Variants in SPIN2A observed in about 807,000 individuals in gnomAD.
SPIN2A encodes the protein spindlin-2A.
A neutral mutation model predicts 9.2 loss-of-function variants in SPIN2A; 4 were observed. That is an observed-to-expected ratio of 0.44 (90% CI 0.21 to 1.00). The LOEUF is 1.00. Among genes scored for constraint, SPIN2A ranks in the 50% least tolerant of loss-of-function variants. SPIN2A has a pLI of 0.26. For missense variants in SPIN2A, 77 were observed against 172.8 expected, an observed-to-expected ratio of 0.45 and a Z score of 3.11; for synonymous variants, 25 against 61.2, an observed-to-expected ratio of 0.41 and a Z score of 2.76.
chrX:57,135,441 C>G (rs1182048215), downstream of SPIN2A: 1 of 195,801 alleles, frequency 5.1e-6, no homozygotes, highest in Admixed American at 7.2e-5. Context: ...TCACCTCCTC[C>G]TCTCTCCCCA....
At chrX:57,141,985 A>G (rs1459905345), upstream of SPIN2A, among the ~76,000 whole-genome samples, 2 of 108,918 alleles carry the variant, frequency 1.8e-5, no homozygotes, top group African/African-American at 3.3e-5. Flanking sequence ...TTCATCTGTC[A>G]TTTTATTTAT....
At chrX:57,136,870 C>A (rs967500191) in intron 1 of SPIN2A, 3 of 594,056 alleles carry the variant, frequency 5.1e-6, no homozygotes, top group Non-Finnish European at 7.6e-6. Context: ...AGCTCAGAGC[C>A]CACTGCCCTC....
intron 1 of SPIN2A, 47 bp downstream of exon 1, chrX:57,137,213 G>A (rs1927840840): frequency 3.9e-6 from 3 of 759,922 alleles, no homozygotes; most frequent in Non-Finnish European, 4.7e-6. Flanking sequence ...GCCCTGCCTG[G>A]CGTCCACCGC....
Position 57,135,998 on chromosome X carries a change from C to T in SPIN2A, c.600G>A (p.Arg200=). The T allele has an allele frequency of 8.3e-7, 1 of 1,208,255 alleles. No homozygotes were observed. Among genetic ancestry groups the T allele is most frequent in the Non-Finnish European group, 1.1e-6 (1 of 894,223 alleles). Residue 200 remains arginine, a synonymous_variant, in exon 2 of 2, where the codon AGG becomes AGA. Coordinates refer to ENST00000374906, the MANE Select transcript of SPIN2A (RefSeq NM_019003.5). ...PESSESPPTE[R]EPGGVVDGLI... ...GGCCATCTACAACTCCTCCTGGCTC[C>T]CTCTCTGTTGGAGGAGACTCACTGG...
upstream of SPIN2A, among the ~76,000 whole-genome samples, chrX:57,139,122 G>C (rs527834121): frequency 2.9e-4 from 32 of 112,116 alleles, 1 homozygote; most frequent in South Asian, 0.012. Flanking sequence ...TCAAGAAATC[G>C]TTGCTCAGAC....
upstream of SPIN2A, among the ~76,000 whole-genome samples, chrX:57,141,597 T>G (rs1928005070): frequency 9.0e-6 from 1 of 111,460 alleles, no homozygotes; most frequent in Non-Finnish European, 1.9e-5. Context: ...TTATTACCAT[T>G]GCTATCTCAT....
At chrX:57,145,127 C>T in the SPIN2A span, among the ~76,000 whole-genome samples, 1 of 111,685 alleles carries the variant, frequency 9.0e-6, no homozygotes, top group Non-Finnish European at 1.9e-5. Flanking sequence ...CCTAAGGAAT[C>T]TCCACACTGT....
upstream of SPIN2A, among the ~76,000 whole-genome samples, chrX:57,141,747 T>A (rs756425022): frequency 8.9e-6 from 1 of 111,804 alleles, no homozygotes; most frequent in South Asian, 3.7e-4. Flanking sequence ...ACAATTTTTT[T>A]ATTTTCTGTG....
chrX:57,138,434 A>G (rs1260960770), upstream of SPIN2A, among the ~76,000 whole-genome samples: 1 of 110,490 alleles, frequency 9.1e-6, no homozygotes, highest in Non-Finnish European at 1.9e-5. Context: ...ATATATATAT[A>G]TATCACATTT....
At position 57,137,308 on chromosome X, in the gene SPIN2A, C is replaced by G; in HGVS notation, c.-54G>C. 6.6e-6 allele frequency: 5 copies of G among 759,101 alleles called. No individual in the cohort carries two copies. Among genetic ancestry groups the G allele is most frequent in the East Asian group, 1.5e-4 (1 of 6,696 alleles). The allele number at this position is 759,101 out of a possible 1,213,427, so 62.6% of individuals were successfully genotyped here. A position where few individuals can be genotyped will look rare whatever the true frequency, so the allele number is the denominator to read the frequency against. On this transcript the variant is annotated 5_prime_UTR_variant, in exon 1 of 2. Transcript: ENST00000374906. ...CCTGTGGCGAAGGAGGGTCAACAGG[C>G]GACTCGCTGAGTGACTGCTTGCAAG...
At chrX:57,135,325 C>T (rs1927656272), downstream of SPIN2A, 1 of 139,201 alleles carries the variant, frequency 7.2e-6, no homozygotes, top group African/African-American at 3.2e-5. Flanking sequence ...ATCTCACTCT[C>T]CCTCTGTTAG....
upstream of SPIN2A, among the ~76,000 whole-genome samples, chrX:57,139,370 G>A (rs1380329276): frequency 2.7e-5 from 3 of 112,043 alleles, no homozygotes; most frequent in Non-Finnish European, 3.8e-5. Flanking sequence ...GACTATAAAT[G>A]CATAGATTTA....
upstream of SPIN2A, among the ~76,000 whole-genome samples, chrX:57,142,199 G>C (rs747013747): frequency 1.9e-4 from 21 of 111,669 alleles, no homozygotes; most frequent in African/African-American, 5.5e-4. Context: ...TTTTTAGGTT[G>C]TTTATTTGAA....
upstream of SPIN2A, among the ~76,000 whole-genome samples, chrX:57,140,870 A>T (rs1291939489): frequency 9.0e-6 from 1 of 111,597 alleles, no homozygotes; most frequent in Admixed American, 9.5e-5. Context: ...CTGCCTATCG[A>T]GTACTATGTT....
In SPIN2A at chrX:57,137,362, G is replaced by T; in HGVS notation, c.-108C>A. 4.0e-6 allele frequency: 3 copies of T among 757,108 alleles called. No homozygotes were observed. The highest frequency in any genetic ancestry group is 4.7e-6 in the Non-Finnish European group (3 of 640,815). The allele number at this position is 757,108 out of a possible 1,213,427, so 62.4% of individuals were successfully genotyped here. ...GGGGAGGGTAGGATCCATAGATGAG[G>T]AGCGTGTGTAGGAGCGCGGCGAGAC... On this transcript the variant is annotated 5_prime_UTR_variant, in exon 1 of 2. Transcript: ENST00000374906.
chrX:57,142,465 G>T (rs1407061499), upstream of SPIN2A, among the ~76,000 whole-genome samples: 1 of 112,178 alleles, frequency 8.9e-6, no homozygotes, highest in African/African-American at 3.2e-5. Context: ...AGTTAGAAAA[G>T]ATACTTGATA....
At chrX:57,144,882 CTA>C in the SPIN2A span, among the ~76,000 whole-genome samples, 46,068 of 103,287 alleles carry the variant, frequency 0.45, 10,965 homozygotes, top group African/African-American at 0.88. Context: ...TAGTATTCCA[CTA>C]TATATATATA....
chrX:57,144,844 C>G, the SPIN2A span, among the ~76,000 whole-genome samples: 3 of 109,543 alleles, frequency 2.7e-5, no homozygotes, highest in Non-Finnish European at 5.7e-5. Context: ...CTGCAAATGC[C>G]GTTAATTCAT....
At position 57,137,355 on chromosome X, in the gene SPIN2A, A is replaced by G. The variant is rs1416369034; in HGVS notation, c.-101T>C. The G allele has an allele frequency of 1.3e-6, 1 of 755,799 alleles. No homozygotes were observed. The allele number at this position is 755,799 out of a possible 1,213,427, so 62.3% of individuals were successfully genotyped here. A position where few individuals can be genotyped will look rare whatever the true frequency, so the allele number is the denominator to read the frequency against. The stretch of plus-strand genomic sequence containing the variant: ...CAAGAGCGGGGAGGGTAGGATCCAT[A>G]GATGAGGAGCGTGTGTAGGAGCGCG... On this transcript the variant is annotated 5_prime_UTR_variant, in exon 1 of 2. Coordinates refer to ENST00000374906, the MANE Select transcript of SPIN2A (RefSeq NM_019003.5).
Sources: allele counts gnomAD v4.1 joint callset (sites outside exome capture counted in the v4.1 genomes callset), GRCh38; gene constraint gnomAD v4.1.1; transcripts MANE v1.5; gene names NCBI Gene and HGNC (gene_info 2026-07-23, HGNC 2026-07-21).